Variants in ZNF91 observed in about 807,000 individuals in gnomAD.
ZNF91 encodes the protein zinc finger protein 91 (HPF7, HTF10).
In ZNF91, 7 loss-of-function variants were observed where a neutral mutation model predicts 12.6. The ratio of observed to expected loss-of-function variants is 0.55; its 90% CI spans 0.31 to 1.04. The LOEUF is 1.04. ZNF91 is among the 50% of genes least tolerant of loss of function. ZNF91 has a pLI of 0.05. For missense variants in ZNF91, 1,217 were observed against 1,385.4 expected (o/e 0.88, Z 1.93); for synonymous variants, 453 against 462.6 (o/e 0.98, Z 0.27).
chr19:23,309,230 C>T (rs1967436170), intron 1 of ZNF91: 1 of 152,088 alleles, frequency 6.6e-6, no homozygotes, highest in South Asian at 2.1e-4. Context: ...CCAACTTATA[C>T]TGTATGAGAG....
At chr19:23,391,072 A>C (rs1414137945) in intron 1 of ZNF91, among the ~76,000 whole-genome samples, 1 of 152,202 alleles carries the variant, frequency 6.6e-6, no homozygotes, top group Non-Finnish European at 1.5e-5. Context: ...TTCTGTGAGA[A>C]ATTGCCACAC....
intron 1 of ZNF91, among the ~76,000 whole-genome samples, chr19:23,323,710 T>TCC (rs1568368299): frequency 6.9e-6 from 1 of 144,982 alleles, no homozygotes; most frequent in East Asian, 2.2e-4. Flanking sequence ...CCTCTCCTCC[T>TCC]TCTTTTCTTC....
At chr19:23,369,138 T>C (rs1400548692) in intron 3 of ZNF91, among the ~76,000 whole-genome samples, 1 of 152,042 alleles carries the variant, frequency 6.6e-6, no homozygotes, top group African/African-American at 2.4e-5. Flanking sequence ...GGTGAAACCC[T>C]GTCTCTACTA....
downstream of ZNF91, chr19:23,338,164 A>G (rs1009007348): frequency 1.4e-4 from 22 of 152,170 alleles, no homozygotes; most frequent in Non-Finnish European, 5.9e-5. Context: ...AAAATACAAC[A>G]AAATATAAAC....
intron 1 of ZNF91, among the ~76,000 whole-genome samples, chr19:23,377,169 C>T (rs1251977236): frequency 1.3e-5 from 2 of 152,156 alleles, no homozygotes; most frequent in Non-Finnish European, 2.9e-5. Flanking sequence ...CTGTCCTGTC[C>T]TTACCAAATC....
chr19:23,364,301 G>T (rs1227056339), intron 3 of ZNF91, among the ~76,000 whole-genome samples: 1 of 152,172 alleles, frequency 6.6e-6, no homozygotes, highest in Non-Finnish European at 1.5e-5. Context: ...TACAAAATTA[G>T]CTGTGCGTGG....
upstream of ZNF91, among the ~76,000 whole-genome samples, chr19:23,313,506 T>C (rs1967504197): frequency 6.6e-6 from 1 of 152,246 alleles, no homozygotes; most frequent in Non-Finnish European, 1.5e-5. Context: ...CTCTCCTTCA[T>C]GTTCCTTGCT....
chr19:23,342,648 T>C (rs1968148547), intron 3 of ZNF91, among the ~76,000 whole-genome samples: 1 of 152,184 alleles, frequency 6.6e-6, no homozygotes, highest in South Asian at 2.1e-4. Context: ...TTCAAGTTTT[T>C]CTTAAAAGTA....
rs1451895811 is a variant in ZNF91, at chr19:23,358,624, TTTTCTCAAGCATAAA to T, written c.*764_*778del. ...GGCTTTTTGTCTATATTTGTTCACT[TTTTCTCAAGCATAAA>T]TGCTTTCCTATGCATTAAGGTGTGA... On this transcript the variant is annotated 3_prime_UTR_variant, in exon 4 of 4. Coordinates refer to ENST00000300619, the MANE Select transcript of ZNF91 (RefSeq NM_003430.4). The T allele has an allele frequency of 2.0e-5, 3 of 152,738 alleles. No individual in the cohort carries two copies. Among genetic ancestry groups the T allele is most frequent in the Non-Finnish European group, 4.4e-5 (3 of 68,264 alleles). The allele number at this position is 152,738 out of a possible 1,614,324, so 9.5% of individuals were successfully genotyped here. A position where few individuals can be genotyped will look rare whatever the true frequency, so the allele number is the denominator to read the frequency against.
chr19:23,384,684 C>T (rs1969818367), intron 1 of ZNF91: 2 of 585,540 alleles, frequency 3.4e-6, no homozygotes, highest in Non-Finnish European at 6.2e-6. Flanking sequence ...AGCATGACGT[C>T]TTTGGAGATA....
At position 23,373,769 on chromosome 19, in the gene ZNF91, G is replaced by A; in HGVS notation, c.226C>T (p.Gln76Ter). The A allele has an allele frequency of 6.2e-7, 1 of 1,611,024 alleles. No homozygotes were observed. Among genetic ancestry groups the A allele is most frequent in the South Asian group, 1.1e-5 (1 of 90,836 alleles). ...GTGGGTTCATCCACCATCTCATGTTGCTTCATATTCCAGGGCTCTTTTCCT... is the reference window on the plus strand; with the variant it reads ...GTGGGTTCATCCACCATCTCATGTTACTTCATATTCCAGGGCTCTTTTCCT... ...EQGKEPWNMK[Q>*]HEMVDEPTGI... The change falls in exon 3 of 4, where the codon CAA becomes TAA. Residue 76 changes from glutamine (Q) to a stop codon, truncating the protein, a stop_gained. Transcript: ENST00000300619. LOFTEE classifies it low-confidence loss of function (END_TRUNC).
rs772748254 is a variant in ZNF91 at position 23,359,477 on chromosome 19, C to T, written c.3502G>A (p.Ala1168Thr). 5 of 1,600,118 alleles carry T rather than the reference C, an allele frequency of 3.1e-6. No individual in the cohort carries two copies. The highest frequency in any genetic ancestry group is 4.3e-6 in the Non-Finnish European group (5 of 1,167,570). The change falls in exon 4 of 4, where the codon GCC (alanine) becomes ACC (threonine). Residue 1168 changes from alanine (A) to threonine (T), a missense_variant. Physicochemically the swap from Ala to Thr is moderately conservative, Grantham distance 58 (BLOSUM62 0). Around this residue, in one of 2 missense-constraint regions of ZNF91, gnomAD observed 491 missense variants for 489.8 expected, o/e 1.00. Transcript: ENST00000300619. The part of the protein sequence containing the change: ...ITPVIPLLWE[A>T]EAGGSRGQEM... ...TGACCTCGTGATCCGCCCGCCTCGG[C>T]CTCCCAAAGTAGTGGGATTACAGGT...
chr19:23,355,542 G>C (rs1203803643), downstream of ZNF91, among the ~76,000 whole-genome samples: 2 of 152,070 alleles, frequency 1.3e-5, no homozygotes, highest in Non-Finnish European at 2.9e-5. Flanking sequence ...GCATTGGCTA[G>C]GCAAAAATTT....
Position 23,393,337 on chromosome 19 carries a change from G to T in ZNF91, c.30+1988C>A, listed in dbSNP as rs532085299. Among the ~76,000 whole-genome samples, 6 of 152,276 alleles carry T rather than the reference G, an allele frequency of 3.9e-5. No homozygotes were observed. The East Asian group carries it at 1.2e-3, about 29-fold the overall frequency. Reference sequence around the variant, plus strand: ...TCAGGGCATCCACGTCCACACTTGAGAAGCTAAACTCAATACCTCAGGTTG... The same window carrying T: ...TCAGGGCATCCACGTCCACACTTGATAAGCTAAACTCAATACCTCAGGTTG... On this transcript the variant is annotated intron_variant, in intron 1 of 3. Coordinates refer to ENST00000300619, the MANE Select transcript of ZNF91 (RefSeq NM_003430.4).
intron 3 of ZNF91, among the ~76,000 whole-genome samples, chr19:23,348,483 A>C (rs958918661): frequency 1.3e-5 from 2 of 152,158 alleles, no homozygotes; most frequent in African/African-American, 4.8e-5. Flanking sequence ...TACTCTTATA[A>C]TTTCCTATGC....
chr19:23,329,399 TG>T (rs1967889399), intron 1 of ZNF91, among the ~76,000 whole-genome samples: 1 of 152,336 alleles, frequency 6.6e-6, no homozygotes, highest in South Asian at 2.1e-4. Flanking sequence ...TTTCAAGGCC[TG>T]ATTTTTCAAG....
chr19:23,373,915 G>A (rs1023556639), intron 2 of ZNF91, 78 bp from the exon 3 acceptor site: 8 of 859,768 alleles, frequency 9.3e-6, no homozygotes, highest in Admixed American at 5.6e-5. Flanking sequence ...TCAGTAAAGA[G>A]CATATAATAG....
intron 1 of ZNF91, among the ~76,000 whole-genome samples, chr19:23,382,471 T>C (rs374337386): frequency 1.3e-5 from 2 of 152,172 alleles, no homozygotes; most frequent in African/African-American, 4.8e-5. Flanking sequence ...AGACAGATAA[T>C]TGAAGAAGAA....
rs774848069 is a variant in ZNF91, at chr19:23,361,017, T to G, written c.1962A>C (p.Gly654=). ...ALAKHKRIHT[G]EKPYKCKECG... ...ATTCTTTACATTTGTAGGGTTTCTC[T>G]CCAGTATGAATTCTCTTATGTTTAG... The change falls in exon 4 of 4, where the codon GGA becomes GGC. Residue 654 remains glycine (G), a synonymous_variant. Transcript: ENST00000300619. 2 of 1,603,636 alleles carry G rather than the reference T, an allele frequency of 1.2e-6. No individual in the cohort carries two copies. The highest frequency in any genetic ancestry group is 2.2e-5 in the South Asian group (2 of 90,440).
Sources: allele counts gnomAD v4.1 joint callset (sites outside exome capture counted in the v4.1 genomes callset), GRCh38; gene constraint gnomAD v4.1.1; regional missense constraint gnomAD v4.1.1; transcripts MANE v1.5; gene names NCBI Gene and HGNC (gene_info 2026-07-23, HGNC 2026-07-21).